AKT3: variants seen among roughly 807,000 people sequenced by gnomAD.
AKT3 encodes AKT serine/threonine kinase 3, also known as RAC-gamma serine/threonine-protein kinase.
AKT3 carries 15 observed loss-of-function variants against 65.3 expected under a neutral mutation model. That is an observed-to-expected ratio of 0.23 (90% CI 0.15 to 0.35). AKT3 has a LOEUF of 0.35. AKT3 is among the 10% of genes least tolerant of loss of function. The probability of loss-of-function intolerance (pLI) is 1.00; values close to 1 mark genes in which losing one functional copy is unlikely to be tolerated. For missense variants in AKT3, 243 were observed against 576.5 expected (o/e 0.42, Z 5.92); for synonymous variants, 206 against 183.8 (o/e 1.12, Z -0.98).
chr1:243,570,973 A>C (rs1383803751), intron 9 of AKT3, among the ~76,000 whole-genome samples: 3 of 152,222 alleles, frequency 2.0e-5, no homozygotes, highest in Admixed American at 6.5e-5. Context: ...ATTTAGTCTA[A>C]TTCCATCATC....
intron 5 of AKT3, among the ~76,000 whole-genome samples, chr1:243,638,981 T>C (rs1680178221): frequency 6.6e-6 from 1 of 152,240 alleles, no homozygotes; most frequent in African/African-American, 2.4e-5. Context: ...TTGATAAGCC[T>C]CTGGCCAGGT....
chr1:243,797,998 T>C (rs756108439), intron 2 of AKT3, among the ~76,000 whole-genome samples: 1 of 150,960 alleles, frequency 6.6e-6, no homozygotes, highest in Non-Finnish European at 1.5e-5. Flanking sequence ...TTCTTCTGCC[T>C]CAGCCTCCCA....
rs544501776 is a variant in AKT3 at position 243,499,937 on chromosome 1, C to G, written c.*5312G>C. 2 of 718,562 alleles carry G rather than the reference C, an allele frequency of 2.8e-6. No homozygotes were observed. Among genetic ancestry groups the G allele is most frequent in the African/African-American group, 3.5e-5 (2 of 57,502 alleles). 44.5% of individuals were successfully genotyped at this position (718,562 alleles called of 1,614,324 possible). The stretch of plus-strand genomic sequence containing the variant: ...TGGTCCTCATCAACGCGGGCGCTGT[C>G]CCCGCACGCAGTCGGGCTGGAGCTG... On this transcript the variant is annotated 3_prime_UTR_variant, in exon 14 of 14. Transcript: ENST00000673466.
intron 2 of AKT3, among the ~76,000 whole-genome samples, chr1:243,771,382 T>C (rs1690176442): frequency 1.3e-5 from 2 of 152,146 alleles, no homozygotes; most frequent in African/African-American, 2.4e-5. Flanking sequence ...GAACCTAACA[T>C]AGCCCTGGCA....
At chr1:243,698,693 T>C (rs1283931000) in intron 2 of AKT3, among the ~76,000 whole-genome samples, 1 of 152,140 alleles carries the variant, frequency 6.6e-6, no homozygotes, top group Non-Finnish European at 1.5e-5. Flanking sequence ...ATTTCCCTTC[T>C]TCCTTAAAAA....
chr1:243,644,160 C>A (rs1393472379), intron 5 of AKT3, among the ~76,000 whole-genome samples: 1 of 152,050 alleles, frequency 6.6e-6, no homozygotes, highest in African/African-American at 2.4e-5. Flanking sequence ...ATATCTTGAG[C>A]CTCTCTAATC....
intron 10 of AKT3, among the ~76,000 whole-genome samples, chr1:243,559,573 A>G (rs1433537692): frequency 1.3e-5 from 2 of 152,164 alleles, no homozygotes; most frequent in Non-Finnish European, 2.9e-5. Flanking sequence ...CTGACATTGG[A>G]CATTTAATAA....
At chr1:243,731,008 G>A (rs752352788) in intron 2 of AKT3, among the ~76,000 whole-genome samples, 16 of 151,842 alleles carry the variant, frequency 1.1e-4, no homozygotes, top group South Asian at 8.3e-4. Context: ...CGGGTTGGGC[G>A]AACTGAGTGC....
chr1:243,668,487 A>G (rs1682950349), intron 3 of AKT3, among the ~76,000 whole-genome samples: 2 of 152,200 alleles, frequency 1.3e-5, no homozygotes, highest in Admixed American at 6.5e-5. Context: ...ATAACGTTGC[A>G]AAAGGATCCA....
chr1:243,489,282 G>C, intron 13 of AKT3: 2 of 1,164,178 alleles, frequency 1.7e-6, no homozygotes, highest in Non-Finnish European at 2.4e-6. Context: ...AGACTGTGCT[G>C]GGCACAGTGC....
intron 4 of AKT3, among the ~76,000 whole-genome samples, chr1:243,655,666 T>C (rs574410698): frequency 1.3e-5 from 2 of 152,292 alleles, no homozygotes; most frequent in African/African-American, 2.4e-5. Context: ...AAATAATTTA[T>C]AGTTATATGT....
At chr1:243,759,622 A>C (rs939500185) in intron 2 of AKT3, among the ~76,000 whole-genome samples, 6 of 152,168 alleles carry the variant, frequency 3.9e-5, no homozygotes, top group African/African-American at 1.4e-4. Context: ...TATTTCTTAC[A>C]TTATTAAAGC....
At chr1:243,633,354 A>G (rs1424626756) in intron 6 of AKT3, among the ~76,000 whole-genome samples, 5 of 152,196 alleles carry the variant, frequency 3.3e-5, no homozygotes, top group Non-Finnish European at 7.3e-5. Context: ...ACAAAAAAAT[A>G]TAAAAGCTAG....
At chr1:243,509,444 C>T (rs1669884010) in intron 13 of AKT3, among the ~76,000 whole-genome samples, 1 of 152,104 alleles carries the variant, frequency 6.6e-6, no homozygotes, top group Non-Finnish European at 1.5e-5. Context: ...GATTCTGGTC[C>T]TTGAAAGCTA....
chr1:243,597,254 T>G (rs555628114), intron 8 of AKT3, among the ~76,000 whole-genome samples: 2 of 152,314 alleles, frequency 1.3e-5, no homozygotes, highest in African/African-American at 2.4e-5. Flanking sequence ...AACCTAAACG[T>G]TCAATGATTT....
At chr1:243,675,098 AAT>A (rs1486851917) in intron 3 of AKT3, among the ~76,000 whole-genome samples, 1 of 152,224 alleles carries the variant, frequency 6.6e-6, no homozygotes, top group Non-Finnish European at 1.5e-5. Context: ...CATCTGTACC[AAT>A]GAGACAATTT....
At chr1:243,780,562 T>C in intron 2 of AKT3, among the ~76,000 whole-genome samples, 1 of 151,370 alleles carries the variant, frequency 6.6e-6, no homozygotes. Context: ...TATATTTAAG[T>C]ATTTAAAAAT....
At chr1:243,724,981 T>A (rs1687120900) in intron 2 of AKT3, among the ~76,000 whole-genome samples, 1 of 151,170 alleles carries the variant, frequency 6.6e-6, no homozygotes, top group South Asian at 2.1e-4. Context: ...GGTAGGAGGA[T>A]CACTTGAGGC....
Position 243,544,264 on chromosome 1 carries a change from A to G in AKT3, c.1251+1246T>C, listed in dbSNP as rs1489742660. On this transcript the variant is annotated intron_variant, in intron 12 of 13. Coordinates refer to ENST00000673466, the MANE Select transcript of AKT3 (RefSeq NM_005465.7). ...GTGGGGGAAAAAAAAAAAAAAAAAAAGCAGGGGGAGGGGGGGACAGACATA... is the reference window on the plus strand; with the variant it reads ...GTGGGGGAAAAAAAAAAAAAAAAAAGGCAGGGGGAGGGGGGGACAGACATA... Among the ~76,000 whole-genome samples, 6 of 134,684 alleles carry G rather than the reference A, an allele frequency of 4.5e-5. No homozygotes were observed. The East Asian group carries it at 1.0e-3, about 24-fold the overall frequency. The allele number at this position is 134,684 out of a possible 152,430, so 88.4% of individuals were successfully genotyped here.
Sources: gnomAD v4.1 joint callset for allele counts (sites outside exome capture counted in the v4.1 genomes callset) on GRCh38, gnomAD v4.1.1 for gene constraint, MANE v1.5 for transcripts, NCBI Gene and HGNC (gene_info 2026-07-23, HGNC 2026-07-21) for gene names.